Variants in GPHN observed in about 807,000 individuals in gnomAD.
GPHN encodes gephyrin.
A neutral mutation model predicts 95.5 loss-of-function variants in GPHN; 17 were observed. That is an observed-to-expected ratio of 0.18 (90% CI 0.12 to 0.27). The LOEUF (loss-of-function observed/expected upper bound fraction) is 0.27. GPHN is among the 10% of genes least tolerant of loss of function. The pLI is 1.00. For missense variants in GPHN, 660 were observed against 978.1 expected (o/e 0.67, Z 4.34); for synonymous variants, 320 against 322.5 (o/e 0.99, Z 0.08).
intron 5 of GPHN, among the ~76,000 whole-genome samples, chr14:66,899,457 A>C (rs2065024431): frequency 6.6e-6 from 1 of 151,754 alleles, no homozygotes; most frequent in African/African-American, 2.4e-5. Flanking sequence ...ACATTTTTTG[A>C]GAGTTTTTAT....
At chr14:67,554,436 C>T in the GPHN span, among the ~76,000 whole-genome samples, 1 of 152,148 alleles carries the variant, frequency 6.6e-6, no homozygotes, top group Non-Finnish European at 1.5e-5. Flanking sequence ...TGGGCCTGTC[C>T]AGCCTCGTGG....
At position 67,013,986 on chromosome 14, in the gene GPHN, C is replaced by T. The variant is rs549799574; in HGVS notation, c.964-9647C>T. Among the ~76,000 whole-genome samples the T allele has an allele frequency of 5.3e-5, 8 of 151,940 alleles. No individual in the cohort carries two copies. In the South Asian group the frequency reaches 6.2e-4, roughly 12 times the overall value. On this transcript the variant is annotated intron_variant, in intron 9 of 22. Transcript: ENST00000478722. ...ATTATTGACTGTATCTATTCCTTGG[C>T]CTCTATTTTTTAGAATTAATCAATA...
chr14:67,481,031 C>T, the GPHN span, among the ~76,000 whole-genome samples: 1 of 152,150 alleles, frequency 6.6e-6, no homozygotes, highest in Non-Finnish European at 1.5e-5. Context: ...GAGTTCATGC[C>T]TGCAGTCCCA....
chr14:66,703,485 A>G (rs556059127), intron 2 of GPHN, among the ~76,000 whole-genome samples: 37 of 152,348 alleles, frequency 2.4e-4, no homozygotes, highest in African/African-American at 7.2e-4. Context: ...TTGGGGGCCA[A>G]TATTCAACAT....
chr14:66,997,885 G>A (rs929183770), intron 9 of GPHN, among the ~76,000 whole-genome samples: 11 of 152,118 alleles, frequency 7.2e-5, no homozygotes, highest in Non-Finnish European at 1.3e-4. Flanking sequence ...GAGAAGGTTG[G>A]TATCATCTCA....
chr14:66,612,314 A>T (rs978818953), intron 1 of GPHN, among the ~76,000 whole-genome samples: 4 of 151,976 alleles, frequency 2.6e-5, no homozygotes, highest in African/African-American at 9.6e-5. Flanking sequence ...TTGCCCTCAA[A>T]CATTCTCCTA....
intron 2 of GPHN, among the ~76,000 whole-genome samples, chr14:66,687,377 T>C (rs765649963): frequency 9.9e-5 from 15 of 152,170 alleles, no homozygotes; most frequent in Admixed American, 4.6e-4. Context: ...TTTTCTATTT[T>C]TGTGATGAAT....
At chr14:66,587,097 C>T (rs1303548129) in intron 1 of GPHN, among the ~76,000 whole-genome samples, 1 of 152,110 alleles carries the variant, frequency 6.6e-6, no homozygotes, top group Admixed American at 6.6e-5. Context: ...CAAGAGACTA[C>T]TGTGAACAGT....
At chr14:66,618,393 T>A (rs1006986775) in intron 1 of GPHN, among the ~76,000 whole-genome samples, 47 of 152,196 alleles carry the variant, frequency 3.1e-4, no homozygotes, top group Admixed American at 9.8e-4. Context: ...TATTTTTTAA[T>A]CATACATTTG....
At chr14:67,443,062 A>C in the GPHN span, among the ~76,000 whole-genome samples, 18 of 151,992 alleles carry the variant, frequency 1.2e-4, no homozygotes, top group Non-Finnish European at 1.9e-4. Flanking sequence ...CTCTGCAAAA[A>C]ATACAGAAAT....
chr14:66,792,209 G>A (rs766527723), intron 3 of GPHN, among the ~76,000 whole-genome samples: 11 of 152,070 alleles, frequency 7.2e-5, no homozygotes, highest in South Asian at 2.1e-4. Flanking sequence ...AGCCCTGTAC[G>A]TCTCAGCCTT....
the GPHN span, chr14:67,347,306 G>T: frequency 1.1e-6 from 1 of 903,968 alleles, no homozygotes; most frequent in Non-Finnish European, 1.7e-6. Flanking sequence ...TTCTAACTCA[G>T]GAACCTCTCA....
chr14:66,762,172 G>A (rs2058783441), intron 2 of GPHN, among the ~76,000 whole-genome samples: 1 of 151,168 alleles, frequency 6.6e-6, no homozygotes, highest in East Asian at 1.9e-4. Context: ...AATTTTACTA[G>A]TGTTCATTAA....
intron 1 of GPHN, among the ~76,000 whole-genome samples, chr14:66,539,937 TC>T (rs1217607820): frequency 1.3e-5 from 2 of 152,248 alleles, no homozygotes; most frequent in Non-Finnish European, 2.9e-5. Context: ...TTCATCTTTT[TC>T]TAGTTGTTGA....
intron 9 of GPHN, among the ~76,000 whole-genome samples, chr14:67,007,250 A>G (rs2072667889): frequency 6.6e-6 from 1 of 152,124 alleles, no homozygotes; most frequent in Admixed American, 6.5e-5. Context: ...AATGGTCCCA[A>G]AATTTGGCAT....
chr14:67,683,950 C>T, the GPHN span, among the ~76,000 whole-genome samples: 1 of 152,236 alleles, frequency 6.6e-6, no homozygotes, highest in African/African-American at 2.4e-5. Flanking sequence ...TCATCAACCT[C>T]ATTCAGGCTT....
chr14:66,871,524 A>C (rs1381073767), intron 4 of GPHN, among the ~76,000 whole-genome samples: 1 of 152,236 alleles, frequency 6.6e-6, no homozygotes, highest in African/African-American at 2.4e-5. Flanking sequence ...GTTAACCTCC[A>C]TAAAGCAATT....
intron 1 of GPHN, among the ~76,000 whole-genome samples, chr14:66,581,683 A>C (rs902042162): frequency 1.3e-5 from 2 of 151,986 alleles, no homozygotes; most frequent in Non-Finnish European, 2.9e-5. Flanking sequence ...TACAGATTGA[A>C]TGTGACAGGA....
chr14:66,545,201 C>CG (rs2059505633), intron 1 of GPHN, among the ~76,000 whole-genome samples: 1 of 147,216 alleles, frequency 6.8e-6, no homozygotes, highest in Non-Finnish European at 1.5e-5. Context: ...GCTGGCCGGG[C>CG]GGGGGGCTGA....
Sources: allele counts gnomAD v4.1 joint callset (sites outside exome capture counted in the v4.1 genomes callset), GRCh38; gene constraint gnomAD v4.1.1; transcripts MANE v1.5; gene names NCBI Gene and HGNC (gene_info 2026-07-23, HGNC 2026-07-21).